RUNX2: variants seen among roughly 807,000 people sequenced by gnomAD.
RUNX2 encodes runt-related transcription factor 2.
A neutral mutation model predicts 51.7 loss-of-function variants in RUNX2; 10 were observed. The observed-to-expected ratio is 0.19, with a 90% confidence interval of 0.12 to 0.33. RUNX2 has a LOEUF of 0.33. Ranked by LOEUF, RUNX2 falls within the 10% of genes least tolerant of loss-of-function variation. The pLI is 1.00. For missense variants in RUNX2, 562 were observed against 691.3 expected, an observed-to-expected ratio of 0.81 and a Z score of 2.10; for synonymous variants, 276 against 273.6, an observed-to-expected ratio of 1.01 and a Z score of -0.09.
intron 2 of RUNX2, among the ~76,000 whole-genome samples, chr6:45,388,673 T>A (rs1448119992): frequency 6.6e-6 from 1 of 152,210 alleles, no homozygotes; most frequent in Non-Finnish European, 1.5e-5. Context: ...TCATTTTTGG[T>A]CATATTTTTC....
At chr6:45,362,842 A>G (rs745754144) in intron 2 of RUNX2, among the ~76,000 whole-genome samples, 12 of 142,992 alleles carry the variant, frequency 8.4e-5, no homozygotes, top group Non-Finnish European at 1.3e-4. Flanking sequence ...ATTTTTTCTC[A>G]GTTTTTTTAA....
At chr6:45,421,009 T>TG (rs1200796473) in intron 2 of RUNX2, 2 of 152,184 alleles carry the variant, frequency 1.3e-5, no homozygotes, top group African/African-American at 4.8e-5. Context: ...CACAACTTTT[T>TG]GGGGGATCCA....
rs150027240 is a variant in RUNX2, at chr6:45,466,947, A to G, written c.686-24994A>G. 4.7e-3 allele frequency among the ~76,000 whole-genome samples: 720 copies of G among 152,300 alleles called. 3 individuals carry two copies. The highest frequency in any genetic ancestry group is 0.015 in the South Asian group (72 of 4,828). ...TTTCCTTTCTTACTCTTTTGAGATG[A>G]TATTTTATTTTTCTTGCTCCTAACC... On this transcript the variant is annotated intron_variant, in intron 5 of 8. Coordinates refer to ENST00000647337, the MANE Select transcript of RUNX2 (RefSeq NM_001024630.4).
intron 7 of RUNX2, among the ~76,000 whole-genome samples, chr6:45,538,755 T>C (rs1310049289): frequency 2.0e-5 from 3 of 152,100 alleles, no homozygotes; most frequent in African/African-American, 7.2e-5. Context: ...ACTGATTCTC[T>C]GAAAGTGTTT....
intron 6 of RUNX2, among the ~76,000 whole-genome samples, chr6:45,507,898 T>C (rs1257548257): frequency 6.6e-6 from 1 of 152,216 alleles, no homozygotes; most frequent in Non-Finnish European, 1.5e-5. Context: ...GTGGGAAACA[T>C]TTATCAGGTT....
chr6:45,383,684 A>G (rs1279508388), intron 2 of RUNX2, among the ~76,000 whole-genome samples: 1 of 152,366 alleles, frequency 6.6e-6, no homozygotes, highest in African/African-American at 2.4e-5. Flanking sequence ...TAAGACGAGT[A>G]TACAGAAACA....
intron 5 of RUNX2, among the ~76,000 whole-genome samples, chr6:45,454,746 T>G (rs1233093121): frequency 2.0e-5 from 3 of 152,184 alleles, no homozygotes; most frequent in Admixed American, 6.5e-5. Context: ...ATAGCTGAGT[T>G]CTATTCCTAC....
Position 45,547,021 on chromosome 6 carries a change from G to A in RUNX2, c.1282G>A (p.Gly428Ser), listed in dbSNP as rs758626590. ...YHTYLPPPYPGSSQSQSGPFQ... is the reference protein window; with the variant it reads ...YHTYLPPPYPSSSQSQSGPFQ... ...CACCTACCTGCCACCACCCTACCCC[G>A]GCTCTTCCCAAAGCCAGAGTGGACC... Residue 428 changes from glycine to serine, a missense_variant, in exon 9 of 9, where the codon GGC (glycine) becomes AGC (serine). Coordinates refer to ENST00000647337, the MANE Select transcript of RUNX2 (RefSeq NM_001024630.4). 9 of 1,613,764 alleles carry A rather than the reference G, an allele frequency of 5.6e-6. No individual in the cohort carries two copies. The highest frequency in any genetic ancestry group is 2.2e-5 in the South Asian group (2 of 91,046).
intron 7 of RUNX2, among the ~76,000 whole-genome samples, chr6:45,528,011 C>G (rs4438954): frequency 0.36 from 55,030 of 152,022 alleles, 11,557 homozygotes; most frequent in African/African-American, 0.59. Context: ...CATGGCAAAA[C>G]GCGAAAGAGG....
At chr6:45,536,271 T>G (rs904986460) in intron 7 of RUNX2, among the ~76,000 whole-genome samples, 1 of 152,130 alleles carries the variant, frequency 6.6e-6, no homozygotes, top group Non-Finnish European at 1.5e-5. Flanking sequence ...GGTAAGTGGC[T>G]GCATCTGACT....
chr6:45,454,342 A>T (rs1345367055), intron 5 of RUNX2, among the ~76,000 whole-genome samples: 1 of 152,206 alleles, frequency 6.6e-6, no homozygotes, highest in Non-Finnish European at 1.5e-5. Context: ...TTTGCAACTG[A>T]ATTGGAAAAA....
chr6:45,407,331 G>T (rs567630810), intron 2 of RUNX2, among the ~76,000 whole-genome samples: 1 of 152,064 alleles, frequency 6.6e-6, no homozygotes, highest in South Asian at 2.1e-4. Flanking sequence ...ATGCAGAGAT[G>T]AGCCACTACT....
chr6:45,478,787 A>G (rs1041787852), intron 5 of RUNX2, among the ~76,000 whole-genome samples: 2 of 152,198 alleles, frequency 1.3e-5, no homozygotes, highest in Non-Finnish European at 2.9e-5. Context: ...CACACTTGCT[A>G]TTAGTAGCAG....
chr6:45,360,911 TC>T, intron 2 of RUNX2, among the ~76,000 whole-genome samples: 1 of 152,272 alleles, frequency 6.6e-6, no homozygotes, highest in South Asian at 2.1e-4. Flanking sequence ...AATATTTGTC[TC>T]CTTCTCTACT....
intron 2 of RUNX2, among the ~76,000 whole-genome samples, chr6:45,347,652 A>C (rs914328730): frequency 1.3e-5 from 2 of 152,138 alleles, no homozygotes; most frequent in African/African-American, 2.4e-5. Flanking sequence ...ACAGAGAAAA[A>C]AATTTTAAAT....
chr6:45,349,426 T>C (rs76338915), intron 2 of RUNX2, among the ~76,000 whole-genome samples: 4,477 of 152,314 alleles, frequency 0.029, 92 homozygotes, highest in Non-Finnish European at 0.047. Context: ...GATGACATTA[T>C]ATAAAAGCAC....
At chr6:45,446,207 C>T (rs1224705104) in intron 5 of RUNX2, among the ~76,000 whole-genome samples, 1 of 152,182 alleles carries the variant, frequency 6.6e-6, no homozygotes, top group Non-Finnish European at 1.5e-5. Context: ...CTTCCCAGCT[C>T]TGAATATGCG....
rs1798650515 is a variant in RUNX2 at position 45,435,276 on chromosome 6, T to C, written c.581-2671T>C. ...AATTTAGGGGAAGCATAGATGACTT[T>C]TAATATCCTAAGTAAGTTGTAAAGG... On this transcript the variant is annotated intron_variant, in intron 4 of 8. Coordinates refer to ENST00000647337, the MANE Select transcript of RUNX2 (RefSeq NM_001024630.4). 2.0e-5 allele frequency among the ~76,000 whole-genome samples: 3 copies of C among 152,220 alleles called. No individual in the cohort carries two copies. The South Asian group carries it at 6.2e-4, about 32-fold the overall frequency.
chr6:45,449,449 G>A (rs897319769), intron 5 of RUNX2, among the ~76,000 whole-genome samples: 4 of 152,160 alleles, frequency 2.6e-5, no homozygotes, highest in Non-Finnish European at 5.9e-5. Context: ...GTAAACTGAG[G>A]CATGGACACC....
Sources: gnomAD v4.1 joint callset for allele counts (sites outside exome capture counted in the v4.1 genomes callset) on GRCh38, gnomAD v4.1.1 for gene constraint, MANE v1.5 for transcripts, NCBI Gene and HGNC (gene_info 2026-07-23, HGNC 2026-07-21) for gene names.